KPNA3: variants seen among roughly 807,000 people sequenced by gnomAD.
The protein encoded by KPNA3 is karyopherin subunit alpha 3.
Under a neutral mutation model 73.8 loss-of-function variants are expected in KPNA3, and 13 were observed. The ratio of observed to expected loss-of-function variants is 0.18; its 90% CI spans 0.11 to 0.28. The LOEUF is 0.28. Ranked by LOEUF, KPNA3 falls within the 10% of genes least tolerant of loss-of-function variation. The probability of loss-of-function intolerance (pLI) is 1.00; values close to 1 mark genes in which losing one functional copy is unlikely to be tolerated. For missense variants in KPNA3, 360 were observed against 618.1 expected (o/e 0.58, Z 4.43); for synonymous variants, 186 against 206.9 (o/e 0.90, Z 0.87).
intron 1 of KPNA3, among the ~76,000 whole-genome samples, chr13:49,750,677 G>A (rs1411997909): frequency 6.6e-6 from 1 of 151,950 alleles, no homozygotes; most frequent in Non-Finnish European, 1.5e-5. Context: ...GTGGAAATGA[G>A]AGTAATAATG....
intron 1 of KPNA3, among the ~76,000 whole-genome samples, chr13:49,752,819 G>C (rs879702304): frequency 5.4e-4 from 82 of 151,860 alleles, no homozygotes; most frequent in Non-Finnish European, 1.0e-3. Context: ...ATGAGGTCAG[G>C]AGATCGAGAC....
intron 1 of KPNA3, among the ~76,000 whole-genome samples, chr13:49,751,274 C>T (rs1179979989): frequency 6.6e-6 from 1 of 152,092 alleles, no homozygotes; most frequent in East Asian, 1.9e-4. Flanking sequence ...CAAATAGTTT[C>T]AAGAGACCAA....
At chr13:49,781,012 G>A (rs535255342) in intron 1 of KPNA3, among the ~76,000 whole-genome samples, 9 of 152,196 alleles carry the variant, frequency 5.9e-5, no homozygotes, top group East Asian at 1.9e-4. Context: ...TAAGGCCACC[G>A]CGTCCAGCCA....
intron 1 of KPNA3, among the ~76,000 whole-genome samples, chr13:49,784,050 C>G (rs1238714464): frequency 1.3e-5 from 2 of 151,994 alleles, no homozygotes; most frequent in Non-Finnish European, 2.9e-5. Context: ...GACAGGAGTT[C>G]AAGACCAGCC....
rs199509096 is a variant in KPNA3, at chr13:49,792,536, C to A, written c.-30G>T. 23 of 1,498,376 alleles carry A rather than the reference C, an allele frequency of 1.5e-5. No homozygotes were observed. The highest frequency in any genetic ancestry group is 1.3e-4 in the Admixed American group (7 of 53,164). 92.8% of individuals were successfully genotyped at this position (1,498,376 alleles called of 1,614,324 possible). The stretch of plus-strand genomic sequence containing the variant: ...GCGCGCGGCTCCGGCGGCGGCTACT[C>A]CTGCGGCTGCGGCGGCGGCGGCGGC... On this transcript the variant is annotated 5_prime_UTR_variant, in exon 1 of 17. Transcript: ENST00000261667.
chr13:49,754,012 G>C (rs1262161979), intron 1 of KPNA3, among the ~76,000 whole-genome samples: 1 of 152,194 alleles, frequency 6.6e-6, no homozygotes, highest in Non-Finnish European at 1.5e-5. Context: ...TACTGAGTAA[G>C]TGGGCCAGGT....
intron 1 of KPNA3, among the ~76,000 whole-genome samples, chr13:49,790,974 A>G (rs1955028018): frequency 6.6e-6 from 1 of 152,276 alleles, no homozygotes; most frequent in Non-Finnish European, 1.5e-5. Context: ...AACAGGAGGC[A>G]GTTCCAAAAT....
chr13:49,782,603 G>A (rs1391460662), intron 1 of KPNA3, among the ~76,000 whole-genome samples: 2 of 152,102 alleles, frequency 1.3e-5, no homozygotes, highest in South Asian at 2.1e-4. Flanking sequence ...AATAGGCTGC[G>A]CGCGGTGGCT....
chr13:49,768,525 T>C (rs1014506159), intron 1 of KPNA3, among the ~76,000 whole-genome samples: 1 of 151,968 alleles, frequency 6.6e-6, no homozygotes, highest in African/African-American at 2.4e-5. Context: ...CGTTTGTTTT[T>C]TATTTCTCTT....
At chr13:49,792,407 A>C (rs1340099912) in intron 1 of KPNA3, 31 bp downstream of exon 1, 21 of 1,463,018 alleles carry the variant, frequency 1.4e-5, no homozygotes, top group East Asian at 2.9e-5. Context: ...CGGCGCGGCC[A>C]GGCGGGCCCA....
rs145306897 is a variant in KPNA3, at chr13:49,789,648, T to G, written c.69+2790A>C. 3.9e-3 allele frequency among the ~76,000 whole-genome samples: 587 copies of G among 152,340 alleles called. 1 individual carries two copies. Among genetic ancestry groups the G allele is most frequent in the Middle Eastern group, 0.014 (4 of 294 alleles). Reference sequence around the variant, plus strand: ...ACAACTACTCAGTTACAGAGCTAAGTTGTACTGTTTCTAATGGACAAGACT... The same window carrying G: ...ACAACTACTCAGTTACAGAGCTAAGGTGTACTGTTTCTAATGGACAAGACT... On this transcript the variant is annotated intron_variant, in intron 1 of 16. Transcript: ENST00000261667.
At chr13:49,739,954 T>C (rs571400321) in intron 2 of KPNA3, among the ~76,000 whole-genome samples, 2 of 152,330 alleles carry the variant, frequency 1.3e-5, no homozygotes, top group East Asian at 1.9e-4. Context: ...ATAATAGCTA[T>C]GAGTTAATAA....
Position 49,709,598 on chromosome 13 carries a change from A to T in KPNA3, c.1006T>A (p.Ser336Thr), listed in dbSNP as rs1566333261. The T allele has an allele frequency of 1.8e-5, 29 of 1,613,716 alleles. No homozygotes were observed. The highest frequency in any genetic ancestry group is 2.4e-5 in the Non-Finnish European group (28 of 1,179,716). ...TTATTTATCTTCTCTTTTGGGTGTGATAAGAGATTTGGGAAGTGTGACAGG... is the reference window on the plus strand; with the variant it reads ...TTATTTATCTTCTCTTTTGGGTGTGTTAAGAGATTTGGGAAGTGTGACAGG... The part of the protein sequence containing the change: ...DVLSHFPNLL[S>T]HPKEKINKEA... The change falls in exon 12 of 17, where the codon TCA (serine) becomes ACA (threonine). Residue 336 changes from serine to threonine, a missense_variant. Physicochemically the swap from Ser to Thr is moderately conservative, Grantham distance 58. This residue lies in a region of KPNA3 where 287 missense variants were observed against 549.1 expected (regional missense o/e 0.52). Coordinates refer to ENST00000261667, the MANE Select transcript of KPNA3 (RefSeq NM_002267.4).
chr13:49,738,814 C>T (rs1185372784), intron 2 of KPNA3, among the ~76,000 whole-genome samples: 4 of 152,158 alleles, frequency 2.6e-5, no homozygotes, highest in Admixed American at 6.5e-5. Context: ...AAACTACATA[C>T]CTTTCATTTC....
intron 1 of KPNA3, among the ~76,000 whole-genome samples, chr13:49,770,993 A>G (rs1347490363): frequency 6.6e-6 from 1 of 151,956 alleles, no homozygotes; most frequent in Non-Finnish European, 1.5e-5. Flanking sequence ...CTTGTTCTGT[A>G]AATTCTGAAA....
intron 14 of KPNA3, 115 bp downstream of exon 14, chr13:49,705,977 AAATAAT>A (rs1206095423): frequency 1.8e-6 from 2 of 1,083,114 alleles, no homozygotes; most frequent in Non-Finnish European, 2.7e-6. Flanking sequence ...CCATCTCTTA[AAATAAT>A]AATAATTATC....
chr13:49,786,127 A>G (rs903681053), intron 1 of KPNA3, among the ~76,000 whole-genome samples: 4 of 152,226 alleles, frequency 2.6e-5, no homozygotes, highest in Non-Finnish European at 4.4e-5. Flanking sequence ...AGGCTGTTCA[A>G]GGAGGGCTAG....
At chr13:49,707,700 A>T (rs201979234) in intron 12 of KPNA3, among the ~76,000 whole-genome samples, 31,940 of 148,886 alleles carry the variant, frequency 0.21, 3,502 homozygotes, top group South Asian at 0.38. Flanking sequence ...CATTTAGCTA[A>T]AAAAAAAAAA....
intron 6 of KPNA3, among the ~76,000 whole-genome samples, chr13:49,726,509 G>C (rs1954410813): frequency 6.6e-6 from 1 of 152,162 alleles, no homozygotes; most frequent in African/African-American, 2.4e-5. Context: ...TTGTGCATGT[G>C]TGTGTGTGTT....
Sources: gnomAD v4.1 joint callset for allele counts (sites outside exome capture counted in the v4.1 genomes callset) on GRCh38, gnomAD v4.1.1 for gene constraint, gnomAD v4.1.1 regional missense constraint, MANE v1.5 for transcripts, NCBI Gene and HGNC (gene_info 2026-07-23, HGNC 2026-07-21) for gene names.